The following MCU variants were observed in gnomAD, a reference collection of about 807,000 sequenced individuals.
MCU encodes mitochondrial calcium uniporter.
MCU carries 12 observed loss-of-function variants against 45.2 expected under a neutral mutation model. The ratio of observed to expected loss-of-function variants is 0.27; its 90% CI spans 0.17 to 0.43. The LOEUF (loss-of-function observed/expected upper bound fraction) is 0.43. MCU is among the 20% of genes least tolerant of loss of function. The pLI, the probability that MCU is intolerant of heterozygous loss-of-function variation, is 1.00. For missense variants in MCU, 324 were observed against 436.7 expected (o/e 0.74, Z 2.30); for synonymous variants, 160 against 165.1 (o/e 0.97, Z 0.24).
intron 1 of MCU, among the ~76,000 whole-genome samples, chr10:72,753,725 T>G (rs1351251751): frequency 6.6e-6 from 1 of 151,734 alleles, no homozygotes; most frequent in African/African-American, 2.4e-5. Flanking sequence ...AAATACAAAA[T>G]ACTAGCTGGG....
intron 1 of MCU, among the ~76,000 whole-genome samples, chr10:72,757,446 A>G (rs1843594588): frequency 6.6e-6 from 1 of 152,296 alleles, no homozygotes; most frequent in Middle Eastern, 3.4e-3. Context: ...CCCAAAGAAC[A>G]TACAGAAAGC....
At chr10:72,794,534 G>T (rs745685190) in intron 1 of MCU, among the ~76,000 whole-genome samples, 25 of 152,100 alleles carry the variant, frequency 1.6e-4, no homozygotes, top group Non-Finnish European at 3.2e-4. Context: ...CCTATTTCTT[G>T]CCTATAGAAA....
chr10:72,870,807 G>A (rs1012682764), intron 5 of MCU, among the ~76,000 whole-genome samples: 1 of 152,190 alleles, frequency 6.6e-6, no homozygotes, highest in African/African-American at 2.4e-5. Context: ...TCTTGTGACT[G>A]GATGAAGACC....
At chr10:72,771,009 C>T (rs374314631) in intron 1 of MCU, among the ~76,000 whole-genome samples, 1 of 152,070 alleles carries the variant, frequency 6.6e-6, no homozygotes, top group East Asian at 1.9e-4. Context: ...GAAATTCTTT[C>T]AGTTTTTATC....
intron 1 of MCU, among the ~76,000 whole-genome samples, chr10:72,785,198 G>A (rs1384086400): frequency 6.6e-6 from 1 of 152,210 alleles, no homozygotes; most frequent in Non-Finnish European, 1.5e-5. Context: ...ACCTGGCAGT[G>A]CTACTGCCGT....
At chr10:72,880,694 A>G (rs1442364789) in intron 6 of MCU, among the ~76,000 whole-genome samples, 1 of 152,258 alleles carries the variant, frequency 6.6e-6, no homozygotes, top group Non-Finnish European at 1.5e-5. Flanking sequence ...TCTTGAAGAA[A>G]AACTGGGTAA....
Position 72,871,587 on chromosome 10 carries a change from A to G in MCU, c.861+7A>G. The G allele has an allele frequency of 1.2e-6, 2 of 1,608,866 alleles. No homozygotes were observed. Among genetic ancestry groups the G allele is most frequent in the Non-Finnish European group, 1.7e-6 (2 of 1,175,182 alleles). ...TTTTGTAATGACACGCCAGGTAAGA[A>G]TTCTCTTCAAGTAACTTTTTATGAG... On this transcript the variant is annotated splice_region_variant and intron_variant, in intron 6 of 7. Coordinates refer to ENST00000373053, the MANE Select transcript of MCU (RefSeq NM_138357.3).
In MCU at chr10:72,871,481, C is replaced by G; in HGVS notation, c.762C>G (p.Thr254=). ...ATQFGILARL[T]WWEYSWDIME... ...AGTTTGGCATTTTGGCCCGGCTTACCTGGTGGGAATATTCCTGGGACATCA... is the reference window on the plus strand; with the variant it reads ...AGTTTGGCATTTTGGCCCGGCTTACGTGGTGGGAATATTCCTGGGACATCA... Residue 254 remains threonine (T), a synonymous_variant, in exon 6 of 8, where the codon ACC becomes ACG. Transcript: ENST00000373053. 6.2e-7 allele frequency: 1 copy of G among 1,614,202 alleles called. No individual in the cohort carries two copies.
At chr10:72,811,155 G>A (rs7097134) in intron 1 of MCU, among the ~76,000 whole-genome samples, 86,156 of 151,966 alleles carry the variant, frequency 0.57, 25,767 homozygotes, top group Non-Finnish European at 0.67. Context: ...TTCTCAAGGC[G>A]AAAATGCGTA....
At chr10:72,708,272 A>G (rs1842848436) in intron 1 of MCU, 1 of 152,096 alleles carries the variant, frequency 6.6e-6, no homozygotes, top group African/African-American at 2.4e-5. Context: ...CTCTAATCCA[A>G]ATTGCCGAAG....
intron 1 of MCU, among the ~76,000 whole-genome samples, chr10:72,702,117 AG>A (rs1216191842): frequency 6.8e-6 from 1 of 146,010 alleles, no homozygotes. Flanking sequence ...GTTGGGGGGG[AG>A]GGGGGCGCCA....
chr10:72,729,731 T>C (rs922681028), intron 1 of MCU, among the ~76,000 whole-genome samples: 2 of 152,168 alleles, frequency 1.3e-5, no homozygotes, highest in African/African-American at 4.8e-5. Flanking sequence ...ACTCAGTTAC[T>C]CAACCTTGGC....
intron 4 of MCU, among the ~76,000 whole-genome samples, chr10:72,866,063 C>T (rs533502899): frequency 6.7e-6 from 1 of 149,892 alleles, no homozygotes; most frequent in South Asian, 2.1e-4. Flanking sequence ...AGGTGTGAGC[C>T]ACCACGCCCG....
At chr10:72,706,049 C>G (rs1242205829) in intron 1 of MCU, among the ~76,000 whole-genome samples, 19 of 152,042 alleles carry the variant, frequency 1.2e-4, no homozygotes, top group Admixed American at 1.2e-3. Flanking sequence ...TGTGCTATAA[C>G]TGAATTTTAT....
rs1488430222 is a variant in MCU at position 72,705,140 on chromosome 10, GAT to G, written c.150+12840_150+12841del. On this transcript the variant is annotated intron_variant, in intron 1 of 7. Transcript: ENST00000373053. ...GGCCTCCCAAAGTGCTGGGATTACAGATGTGAGGTACTGTGCCTGGCCAAAAC... is the reference window on the plus strand; with the variant it reads ...GGCCTCCCAAAGTGCTGGGATTACAGGTGAGGTACTGTGCCTGGCCAAAAC... Among the ~76,000 whole-genome samples the G allele has an allele frequency of 6.6e-5, 10 of 152,122 alleles. No individual in the cohort carries two copies. In the East Asian group the frequency reaches 9.6e-4, roughly 15 times the overall value.
intron 6 of MCU, among the ~76,000 whole-genome samples, chr10:72,881,554 A>G (rs1470200669): frequency 6.6e-6 from 1 of 152,210 alleles, no homozygotes; most frequent in Non-Finnish European, 1.5e-5. Flanking sequence ...CATTAAATTA[A>G]TATCTGTTTA....
At chr10:72,782,206 A>T (rs1434250967) in intron 1 of MCU, among the ~76,000 whole-genome samples, 10 of 152,198 alleles carry the variant, frequency 6.6e-5, no homozygotes, top group African/African-American at 1.7e-4. Context: ...TGGAGTGCTT[A>T]TAGAGTTAGA....
At chr10:72,858,741 G>C (rs978283773) in intron 2 of MCU, among the ~76,000 whole-genome samples, 8 of 152,098 alleles carry the variant, frequency 5.3e-5, no homozygotes, top group African/African-American at 1.9e-4. Context: ...TGACTGTTTT[G>C]GAGTAAGAGT....
chr10:72,746,514 A>T (rs556276425), intron 1 of MCU, among the ~76,000 whole-genome samples: 1 of 152,240 alleles, frequency 6.6e-6, no homozygotes, highest in African/African-American at 2.4e-5. Flanking sequence ...AATTGTATCT[A>T]TTAGAACAGT....
Sources: gnomAD v4.1 joint callset for allele counts (sites outside exome capture counted in the v4.1 genomes callset) on GRCh38, gnomAD v4.1.1 for gene constraint, MANE v1.5 for transcripts, NCBI Gene and HGNC (gene_info 2026-07-23, HGNC 2026-07-21) for gene names.